VPS13D: variants seen among roughly 807,000 people sequenced by gnomAD.
VPS13D encodes intermembrane lipid transfer protein VPS13D.
Under a neutral mutation model 461.9 loss-of-function variants are expected in VPS13D, and 187 were observed. The observed-to-expected ratio is 0.40, with a 90% CI of 0.36 to 0.46. The LOEUF (loss-of-function observed/expected upper bound fraction) is 0.46, where lower values mean the gene tolerates loss of function less well. Ranked by LOEUF, VPS13D falls within the 20% of genes least tolerant of loss-of-function variation. The probability of loss-of-function intolerance (pLI) is 0.60; values close to 1 mark genes in which losing one functional copy is unlikely to be tolerated. For synonymous variants in VPS13D, 1,951 were observed against 1,986.3 expected (o/e 0.98, Z 0.47); for missense variants, 4,711 against 5,364.9 (o/e 0.88, Z 3.81).
rs182575001 is a variant in VPS13D at position 12,346,742 on chromosome 1, A to G, written c.9069+90A>G. 64 of 1,261,208 alleles carry G rather than the reference A, an allele frequency of 5.1e-5. No individual in the cohort carries two copies. In the African/African-American group the frequency reaches 9.6e-4, roughly 19 times the overall value. The allele number at this position is 1,261,208 out of a possible 1,614,324, so 78.1% of individuals were successfully genotyped here. On this transcript the variant is annotated intron_variant, in intron 44 of 69. Coordinates refer to ENST00000620676, the MANE Select transcript of VPS13D (RefSeq NM_015378.4). ...GATATACATTTCTTAATGATCAGAG[A>G]AACTTTATGACATATATGCGATTGA...
intron 16 of VPS13D, among the ~76,000 whole-genome samples, chr1:12,269,632 G>A (rs1027716264): frequency 6.6e-6 from 1 of 152,202 alleles, no homozygotes; most frequent in African/African-American, 2.4e-5. Flanking sequence ...TGTAATCACT[G>A]ATTTATTTAT....
chr1:12,389,511 A>G (rs765123432), intron 60 of VPS13D, among the ~76,000 whole-genome samples: 5 of 152,238 alleles, frequency 3.3e-5, no homozygotes, highest in Admixed American at 2.0e-4. Flanking sequence ...AAGTCAATAA[A>G]TCTATGTCAC....
intron 66 of VPS13D, 110 bp downstream of exon 66, chr1:12,456,240 A>C: frequency 1.3e-5 from 19 of 1,429,814 alleles, no homozygotes; most frequent in East Asian, 2.5e-5. Context: ...GCGGTGGCTC[A>C]TGCTTGTAAT....
At chr1:12,364,309 C>T (rs888295005) in intron 52 of VPS13D, among the ~76,000 whole-genome samples, 5 of 152,040 alleles carry the variant, frequency 3.3e-5, no homozygotes, top group African/African-American at 9.7e-5. Flanking sequence ...TTTAATCATA[C>T]GGTATTTGTC....
At chr1:12,272,565 A>AG (rs1641479978) in intron 17 of VPS13D, among the ~76,000 whole-genome samples, 2 of 152,098 alleles carry the variant, frequency 1.3e-5, no homozygotes, top group African/African-American at 4.8e-5. Flanking sequence ...ACAAATCATG[A>AG]ATTGGTGTGT....
At chr1:12,251,516 A>T (rs750742062) in intron 6 of VPS13D, among the ~76,000 whole-genome samples, 26 of 152,204 alleles carry the variant, frequency 1.7e-4, no homozygotes, top group Non-Finnish European at 3.4e-4. Flanking sequence ...CCCACACAGT[A>T]AAAAGATAGT....
chr1:12,349,871 C>T (rs1464264318), intron 46 of VPS13D, among the ~76,000 whole-genome samples: 3 of 152,160 alleles, frequency 2.0e-5, no homozygotes, highest in African/African-American at 7.2e-5. Flanking sequence ...TTACTAGATT[C>T]AGTGTTGGAA....
intron 24 of VPS13D, among the ~76,000 whole-genome samples, chr1:12,297,608 T>C (rs1642311936): frequency 6.6e-6 from 1 of 152,322 alleles, no homozygotes; most frequent in Middle Eastern, 3.4e-3. Flanking sequence ...GCAATAATTA[T>C]TTATATTAAT....
intron 65 of VPS13D, among the ~76,000 whole-genome samples, chr1:12,439,948 C>A (rs1258587706): frequency 6.6e-6 from 1 of 152,114 alleles, no homozygotes; most frequent in African/African-American, 2.4e-5. Flanking sequence ...CTATGGATGC[C>A]TCACCCTCAT....
Position 12,314,114 on chromosome 1 carries a change from G to T in VPS13D, c.6936-1G>T. The stretch of plus-strand genomic sequence containing the variant: ...TGCTTGCTTTCTTTTCTCTCTTTTA[G>T]ATTTGACTTCAAGAAATGCAAACTG... On this transcript the variant is annotated splice_acceptor_variant, in intron 29 of 69. Coordinates refer to ENST00000620676, the MANE Select transcript of VPS13D (RefSeq NM_015378.4). LOFTEE classifies it high-confidence loss of function. 2 of 1,613,308 alleles carry T rather than the reference G, an allele frequency of 1.2e-6. No individual in the cohort carries two copies. The highest frequency in any genetic ancestry group is 2.2e-5 in the South Asian group (2 of 90,948).
intron 65 of VPS13D, among the ~76,000 whole-genome samples, chr1:12,453,656 G>C (rs140167049): frequency 1.3e-3 from 199 of 152,310 alleles, no homozygotes; most frequent in African/African-American, 4.8e-3. Context: ...TCCTTTCTGT[G>C]TAGTTTGTGT....
chr1:12,438,979 G>T (rs181806292), intron 65 of VPS13D, among the ~76,000 whole-genome samples: 4 of 151,868 alleles, frequency 2.6e-5, no homozygotes. Flanking sequence ...TCCCTCCCGC[G>T]CCCACCTTCT....
intron 38 of VPS13D, among the ~76,000 whole-genome samples, chr1:12,334,104 G>A (rs1643394631): frequency 6.6e-6 from 1 of 152,180 alleles, no homozygotes; most frequent in Non-Finnish European, 1.5e-5. Context: ...GTGTATGTTG[G>A]ATTGAGGCTG....
intron 5 of VPS13D, among the ~76,000 whole-genome samples, chr1:12,247,317 T>C (rs2101221595): frequency 6.6e-6 from 1 of 151,218 alleles, no homozygotes; most frequent in Non-Finnish European, 1.5e-5. Flanking sequence ...GTGGGGAGGC[T>C]GAGGCAGGAA....
In VPS13D at chr1:12,269,477, C is replaced by T. The variant is rs1641370018; in HGVS notation, c.1972+601C>T. On this transcript the variant is annotated intron_variant, in intron 16 of 69. Transcript: ENST00000620676. ...GCAATGATCTCCATACTTTTTATTT[C>T]ACTATGACAGTGGTTTCCTTGGCTA... Among the ~76,000 whole-genome samples the T allele has an allele frequency of 2.0e-5, 3 of 152,218 alleles. 1 individual carries two copies. The South Asian group carries it at 6.2e-4, about 32-fold the overall frequency.
chr1:12,364,480 A>G (rs143028307), intron 52 of VPS13D, among the ~76,000 whole-genome samples: 733 of 152,268 alleles, frequency 4.8e-3, no homozygotes, highest in African/African-American at 0.017. Flanking sequence ...CCCTGCTTTC[A>G]GTTATTTTGG....
intron 57 of VPS13D, among the ~76,000 whole-genome samples, chr1:12,382,642 A>G (rs79654750): frequency 0.045 from 6,879 of 152,324 alleles, 237 homozygotes; most frequent in South Asian, 0.099. Flanking sequence ...AGAATACTCA[A>G]AGAAACAGCT....
chr1:12,412,644 T>A (rs2100217570), intron 63 of VPS13D, among the ~76,000 whole-genome samples: 1 of 152,292 alleles, frequency 6.6e-6, no homozygotes, highest in East Asian at 1.9e-4. Context: ...TAAAAATAAA[T>A]TCTAGGTGGA....
chr1:12,474,348 A>T (rs1367060425), intron 67 of VPS13D, among the ~76,000 whole-genome samples: 1 of 152,192 alleles, frequency 6.6e-6, no homozygotes, highest in African/African-American at 2.4e-5. Context: ...TCCACTGTTC[A>T]GTATTATTTA....
Sources: gnomAD v4.1 joint callset for allele counts (sites outside exome capture counted in the v4.1 genomes callset) on GRCh38, gnomAD v4.1.1 for gene constraint, MANE v1.5 for transcripts, NCBI Gene and HGNC (gene_info 2026-07-23, HGNC 2026-07-21) for gene names.